IFT74: variants seen among roughly 807,000 people sequenced by gnomAD.
IFT74 encodes intraflagellar transport 74, also known as intraflagellar transport protein 74 homolog.
IFT74 carries 92 observed loss-of-function variants against 96.7 expected under a neutral mutation model. The ratio of observed to expected loss-of-function variants is 0.95; its 90% CI spans 0.80 to 1.13. The LOEUF (loss-of-function observed/expected upper bound fraction) is 1.13. Ranked by LOEUF, IFT74 falls within the 50% of genes most tolerant of loss-of-function variation. The pLI is 0.00. For synonymous variants in IFT74, 223 were observed against 213.2 expected (o/e 1.05, Z -0.40); for missense variants, 811 against 698.2 (o/e 1.16, Z -1.82).
intron 6 of IFT74, among the ~76,000 whole-genome samples, chr9:26,985,331 T>C (rs1301788626): frequency 6.6e-6 from 1 of 152,028 alleles, no homozygotes; most frequent in African/African-American, 2.4e-5. Context: ...TCAGAAAAAA[T>C]AACTAATGGG....
At chr9:27,007,549 C>T (rs1828856206) in intron 8 of IFT74, among the ~76,000 whole-genome samples, 1 of 152,172 alleles carries the variant, frequency 6.6e-6, no homozygotes, top group African/African-American at 2.4e-5. Flanking sequence ...CACTTCTTCT[C>T]CAACAGTGAA....
In IFT74 at chr9:26,984,020, G is replaced by A. The variant is rs545818694; in HGVS notation, c.306-237G>A. On this transcript the variant is annotated intron_variant, in intron 4 of 19. Coordinates refer to ENST00000380062, the MANE Select transcript of IFT74 (RefSeq NM_025103.4). Reference sequence around the variant, plus strand: ...GCTTGTCTTGAGCTCCTGACCTCACGTGATGCGCCTGCCTCGGCCTCCCAA... The same window carrying A: ...GCTTGTCTTGAGCTCCTGACCTCACATGATGCGCCTGCCTCGGCCTCCCAA... 4.2e-5 allele frequency: 12 copies of A among 285,112 alleles called. No homozygotes were observed. The East Asian group carries it at 9.9e-4, about 23-fold the overall frequency. The allele number at this position is 285,112 out of a possible 1,614,324, so 17.7% of individuals were successfully genotyped here.
At chr9:26,972,347 A>G (rs564043733) in intron 2 of IFT74, among the ~76,000 whole-genome samples, 116 of 152,300 alleles carry the variant, frequency 7.6e-4, no homozygotes, top group African/African-American at 2.7e-3. Flanking sequence ...TTCTTCAACC[A>G]ACACTGCTCT....
At chr9:27,038,144 G>A (rs1251365742) in intron 13 of IFT74, among the ~76,000 whole-genome samples, 1 of 152,212 alleles carries the variant, frequency 6.6e-6, no homozygotes, top group Non-Finnish European at 1.5e-5. Flanking sequence ...TACAGAGGCT[G>A]TAGATGCCCC....
At chr9:26,992,007 A>T (rs972200178) in intron 8 of IFT74, among the ~76,000 whole-genome samples, 5 of 151,890 alleles carry the variant, frequency 3.3e-5, no homozygotes, top group African/African-American at 1.2e-4. Flanking sequence ...ACTGCACTCC[A>T]GCCTGGTGAC....
intron 13 of IFT74, among the ~76,000 whole-genome samples, chr9:27,037,348 G>T (rs1345897451): frequency 1.3e-5 from 2 of 152,098 alleles, no homozygotes; most frequent in East Asian, 1.9e-4. Context: ...GCCTTTGTGA[G>T]CATTCCTATG....
intron 8 of IFT74, among the ~76,000 whole-genome samples, chr9:27,006,755 G>A (rs1423145912): frequency 6.6e-6 from 1 of 150,798 alleles, no homozygotes. Context: ...AGGTAGGGAG[G>A]GATTCAAATT....
At chr9:26,948,448 A>ATTATTATTTT (rs1825819541) in intron 1 of IFT74, among the ~76,000 whole-genome samples, 5 of 59,166 alleles carry the variant, frequency 8.5e-5, no homozygotes, top group East Asian at 2.9e-4. Flanking sequence ...GCTTTCCATT[A>ATTATTATTTT]TTTTTTTTTT....
intron 12 of IFT74, among the ~76,000 whole-genome samples, chr9:27,025,747 A>G (rs1829835459): frequency 6.6e-6 from 1 of 152,144 alleles, no homozygotes; most frequent in Non-Finnish European, 1.5e-5. Context: ...AAGCTTCATA[A>G]ATGAAGCAAA....
chr9:27,000,124 T>C lies in IFT74; in HGVS notation c.588-8896T>C, dbSNP rs761260905. On this transcript the variant is annotated intron_variant, in intron 8 of 19. Coordinates refer to ENST00000380062, the MANE Select transcript of IFT74 (RefSeq NM_025103.4). ...TGAAATACATAAAATGTGAAACAAG[T>C]GCATGGCCATTCACCATCCTTGCAC... Among the ~76,000 whole-genome samples, 13 of 152,286 alleles carry C rather than the reference T, an allele frequency of 8.5e-5. No individual in the cohort carries two copies. In the South Asian group the frequency reaches 1.0e-3, roughly 12 times the overall value.
At position 26,980,630 on chromosome 9, in the gene IFT74, C is replaced by T. The variant is rs759348536; in HGVS notation, c.305+11C>T. 23 of 1,544,952 alleles carry T rather than the reference C, an allele frequency of 1.5e-5. No individual in the cohort carries two copies. The highest frequency in any genetic ancestry group is 6.8e-5 in the South Asian group (6 of 88,780). ...TCTTGGGCTTCTTAGGTATGTTAAA[C>T]ATATCTTTTCATCCGTATGTTTTAC... On this transcript the variant is annotated intron_variant, in intron 4 of 19. Coordinates refer to ENST00000380062, the MANE Select transcript of IFT74 (RefSeq NM_025103.4).
At position 26,972,019 on chromosome 9, in the gene IFT74, A is replaced by G. The variant is rs142878441; in HGVS notation, c.121-6109A>G. 3.3e-5 allele frequency among the ~76,000 whole-genome samples: 5 copies of G among 152,278 alleles called. No individual in the cohort carries two copies. In the East Asian group the frequency reaches 9.7e-4, roughly 29 times the overall value. ...TTATGTCTTTTCTCTTCAATTACCC[A>G]GGAGGACCCATCTATAAATAAGTGT... On this transcript the variant is annotated intron_variant, in intron 2 of 19. Coordinates refer to ENST00000380062, the MANE Select transcript of IFT74 (RefSeq NM_025103.4).
chr9:27,020,912 C>T (rs1402530393), intron 12 of IFT74, among the ~76,000 whole-genome samples: 1 of 152,068 alleles, frequency 6.6e-6, no homozygotes, highest in Non-Finnish European at 1.5e-5. Context: ...AGTGTTTTAT[C>T]CCTCACCCAC....
In IFT74 at chr9:27,019,649, A is replaced by G. The variant is rs1587364058; in HGVS notation, c.974+962A>G. 5.3e-5 allele frequency among the ~76,000 whole-genome samples: 8 copies of G among 151,876 alleles called. No homozygotes were observed. The South Asian group carries it at 1.7e-3, about 32-fold the overall frequency. On this transcript the variant is annotated intron_variant, in intron 12 of 19. Coordinates refer to ENST00000380062, the MANE Select transcript of IFT74 (RefSeq NM_025103.4). ...TTATTTCCAAATAGTATTCCATTGT[A>G]TGGATATACCATATTTTATTTATTT...
chr9:26,962,642 A>G (rs1380597708), intron 2 of IFT74, among the ~76,000 whole-genome samples: 1 of 152,252 alleles, frequency 6.6e-6, no homozygotes, highest in African/African-American at 2.4e-5. Flanking sequence ...TATACCTTTT[A>G]TCAGAATTCT....
chr9:27,065,709 T>C lies in IFT74; in HGVS notation c.*2973T>C, dbSNP rs939042756. Among the ~76,000 whole-genome samples, 1 of 152,204 alleles carries C rather than the reference T, an allele frequency of 6.6e-6. No individual in the cohort carries two copies. The highest frequency in any genetic ancestry group is 1.5e-5 in the Non-Finnish European group (1 of 68,022). On this transcript the variant is annotated 3_prime_UTR_variant, in exon 20 of 20. Coordinates refer to ENST00000380062, the MANE Select transcript of IFT74 (RefSeq NM_025103.4). ...TAGTAGTTCCAGGGGTTTTTGCTGT[T>C]CCCTTGCTCAGTTTCTCTAGACTTC...
At chr9:27,025,165 C>T (rs1285506441) in intron 12 of IFT74, among the ~76,000 whole-genome samples, 1 of 152,052 alleles carries the variant, frequency 6.6e-6, no homozygotes, top group African/African-American at 2.4e-5. Flanking sequence ...AATGTCATGG[C>T]TGAGCACGGT....
chr9:26,985,004 A>C (rs1397679122), intron 6 of IFT74, among the ~76,000 whole-genome samples: 1 of 152,212 alleles, frequency 6.6e-6, no homozygotes, highest in Middle Eastern at 3.2e-3. Flanking sequence ...ACACATGCAC[A>C]TGTGTGTTCA....
At position 27,065,839 on chromosome 9, in the gene IFT74, A is replaced by G. The variant is rs1820588890; in HGVS notation, c.*3103A>G. ...GATGGACCACTAGAGAATTGTAGTA[A>G]TCTATTTTTAAATTGATATTGTGTC... is the stretch of plus-strand genomic sequence containing the variant. On this transcript the variant is annotated 3_prime_UTR_variant, in exon 20 of 20. Coordinates refer to ENST00000380062, the MANE Select transcript of IFT74 (RefSeq NM_025103.4). 1.3e-5 allele frequency among the ~76,000 whole-genome samples: 2 copies of G among 152,354 alleles called. No individual in the cohort carries two copies. Among genetic ancestry groups the G allele is most frequent in the Non-Finnish European group, 2.9e-5 (2 of 68,030 alleles).
Sources: allele counts gnomAD v4.1 joint callset (sites outside exome capture counted in the v4.1 genomes callset), GRCh38; gene constraint gnomAD v4.1.1; transcripts MANE v1.5; gene names NCBI Gene and HGNC (gene_info 2026-07-23, HGNC 2026-07-21).